COBLL1: variants seen among roughly 807,000 people sequenced by gnomAD.
The protein encoded by COBLL1 is cordon-bleu protein-like 1.
A neutral mutation model predicts 94.8 loss-of-function variants in COBLL1; 50 were observed. The ratio of observed to expected loss-of-function variants is 0.53; its 90% CI spans 0.42 to 0.67. The LOEUF (loss-of-function observed/expected upper bound fraction) is 0.67, where lower values mean the gene tolerates loss of function less well. Ranked by LOEUF, COBLL1 falls within the 30% of genes least tolerant of loss-of-function variation. The pLI, the probability that COBLL1 is intolerant of heterozygous loss-of-function variation, is 0.00. For missense variants in COBLL1, 1,362 were observed against 1,348.7 expected, an observed-to-expected ratio of 1.01 and a Z score of -0.15; for synonymous variants, 448 against 473.8, an observed-to-expected ratio of 0.95 and a Z score of 0.71.
At chr2:164,671,308 T>A (rs950394948) in intron 1 of COBLL1, among the ~76,000 whole-genome samples, 2 of 152,172 alleles carry the variant, frequency 1.3e-5, no homozygotes, top group African/African-American at 4.8e-5. Flanking sequence ...TTTTTGTTTT[T>A]TTGTCTTTTT....
chr2:164,753,585 G>A (rs1412693066), intron 2 of COBLL1, among the ~76,000 whole-genome samples: 4 of 151,510 alleles, frequency 2.6e-5, no homozygotes, highest in South Asian at 2.1e-4. Flanking sequence ...GTCCAATATG[G>A]CGGCCATGTA....
intron 3 of COBLL1, among the ~76,000 whole-genome samples, chr2:164,730,600 A>G (rs1685958334): frequency 1.3e-5 from 2 of 152,200 alleles, no homozygotes; most frequent in Admixed American, 1.3e-4. Flanking sequence ...TAATAGTTAA[A>G]AAGTCCTGGG....
rs1416277897 is a variant in COBLL1, at chr2:164,682,606, GGTC to G, written c.*3337_*3339del. Reference sequence around the variant, plus strand: ...CATGAAGAGGTGAAATCGGAAGAAGGGTCACTCCTCAAAGAATAGGGAGTATAT... The same window carrying G: ...CATGAAGAGGTGAAATCGGAAGAAGGACTCCTCAAAGAATAGGGAGTATAT... On this transcript the variant is annotated 3_prime_UTR_variant, in exon 14 of 14. Transcript: ENST00000652658. 6.6e-6 allele frequency: 1 copy of G among 152,088 alleles called. No individual in the cohort carries two copies. The highest frequency in any genetic ancestry group is 1.5e-5 in the Non-Finnish European group (1 of 68,032). The allele number at this position is 152,088 out of a possible 1,614,324, so 9.4% of individuals were successfully genotyped here. A position where few individuals can be genotyped will look rare whatever the true frequency, so the allele number is the denominator to read the frequency against.
At chr2:164,744,516 C>CA (rs1173972333) in intron 2 of COBLL1, among the ~76,000 whole-genome samples, 1 of 152,008 alleles carries the variant, frequency 6.6e-6, no homozygotes, top group Non-Finnish European at 1.5e-5. Flanking sequence ...TAACTCCCTG[C>CA]AAAAAAGAAG....
Position 164,743,766 on chromosome 2 carries a change from C to T in COBLL1, c.151G>A (p.Glu51Lys), listed in dbSNP as rs758512134. ...TCAACGTCTTTATCTATCATGTTTT[C>T]TTTCTGTTCCATGATGAAAGCAGTG... ...ESTAFIMEQK[E>K]NMIDKDVELS... Residue 51 changes from glutamate to lysine, a missense_variant, in exon 3 of 14, where the codon GAA becomes AAA. Transcript: ENST00000652658. The T allele has an allele frequency of 5.0e-6, 8 of 1,613,366 alleles. No individual in the cohort carries two copies. The East Asian group carries it at 1.8e-4, about 36-fold the overall frequency.
chr2:164,672,275 G>T (rs1307631940), intron 1 of COBLL1, among the ~76,000 whole-genome samples: 1 of 152,168 alleles, frequency 6.6e-6, no homozygotes, highest in African/African-American at 2.4e-5. Flanking sequence ...TCCCTTCAGT[G>T]CCTCCTGAAT....
rs570190137 is a variant in COBLL1 at position 164,731,596 on chromosome 2, A to G, written c.231-1481T>C. On this transcript the variant is annotated intron_variant, in intron 3 of 13. Transcript: ENST00000652658. ...AGTTCACACTTAAGAATAAGGCACT[A>G]AACCGCAGTGTGTACATCGTATTTT... Among the ~76,000 whole-genome samples the G allele has an allele frequency of 1.5e-3, 224 of 152,336 alleles. 2 individuals are homozygous for G. Among genetic ancestry groups the G allele is most frequent in the African/African-American group, 5.1e-3 (211 of 41,578 alleles).
chr2:164,772,771 A>G (rs1688268025), intron 2 of COBLL1, among the ~76,000 whole-genome samples: 1 of 152,110 alleles, frequency 6.6e-6, no homozygotes, highest in African/African-American at 2.4e-5. Flanking sequence ...CTAATATTAC[A>G]TAATACCAGA....
chr2:164,818,819 G>A (rs768958205), intron 2 of COBLL1, among the ~76,000 whole-genome samples: 15 of 147,472 alleles, frequency 1.0e-4, no homozygotes, highest in Non-Finnish European at 1.5e-4. Flanking sequence ...TCTGTCACTC[G>A]GTGCTGTGGT....
At chr2:164,822,264 T>A (rs1685205066) in intron 2 of COBLL1, among the ~76,000 whole-genome samples, 1 of 152,196 alleles carries the variant, frequency 6.6e-6, no homozygotes, top group Admixed American at 6.5e-5. Flanking sequence ...CTGTTCATAA[T>A]AAGTCACACG....
At chr2:164,756,018 G>A (rs1019676081) in intron 2 of COBLL1, among the ~76,000 whole-genome samples, 4 of 148,250 alleles carry the variant, frequency 2.7e-5, no homozygotes, top group Non-Finnish European at 6.0e-5. Context: ...ACAAATGTGT[G>A]AGTATACATA....
chr2:164,721,584 G>A (rs1574469912), intron 7 of COBLL1, among the ~76,000 whole-genome samples: 1 of 152,264 alleles, frequency 6.6e-6, no homozygotes, highest in East Asian at 1.9e-4. Flanking sequence ...TTTTTTCACT[G>A]TGGAGTATCT....
chr2:164,740,169 G>A (rs986362027), intron 3 of COBLL1, among the ~76,000 whole-genome samples: 1 of 152,014 alleles, frequency 6.6e-6, no homozygotes, highest in Non-Finnish European at 1.5e-5. Context: ...TGATATACAT[G>A]CTGGGCAACA....
intron 2 of COBLL1, among the ~76,000 whole-genome samples, chr2:164,821,232 G>T (rs1685154544): frequency 6.6e-6 from 1 of 152,046 alleles, no homozygotes; most frequent in Non-Finnish European, 1.5e-5. Context: ...AAATGAATGT[G>T]ACCTGACATG....
At chr2:164,725,047 G>A (rs1685644499) in intron 5 of COBLL1, 1 of 147,120 alleles carries the variant, frequency 6.8e-6, no homozygotes, top group Non-Finnish European at 1.5e-5. Flanking sequence ...AGTATCAAAA[G>A]TTATCACTCT....
At position 164,810,697 on chromosome 2, in the gene COBLL1, A is replaced by G. The variant is rs984058730; in HGVS notation, c.41+30459T>C. Reference sequence around the variant, plus strand: ...ATTTTATTCAAGTTCTCTAAAGGGAATTCAGATATCAGAGATATGGTTCAC... The same window carrying G: ...ATTTTATTCAAGTTCTCTAAAGGGAGTTCAGATATCAGAGATATGGTTCAC... On this transcript the variant is annotated intron_variant, in intron 2 of 13. Coordinates refer to ENST00000652658, the MANE Select transcript of COBLL1 (RefSeq NM_001365672.2). Among the ~76,000 whole-genome samples the G allele has an allele frequency of 7.2e-5, 11 of 151,950 alleles. No individual in the cohort carries two copies. The East Asian group carries it at 1.3e-3, about 19-fold the overall frequency.
At chr2:164,668,573 G>T (rs767388354) in intron 1 of COBLL1, among the ~76,000 whole-genome samples, 1 of 152,134 alleles carries the variant, frequency 6.6e-6, no homozygotes, top group Non-Finnish European at 1.5e-5. Context: ...TGGAAAAATC[G>T]CACTAATCAA....
chr2:164,832,452 CTATT>C (rs1466194887), intron 2 of COBLL1, among the ~76,000 whole-genome samples: 1 of 151,990 alleles, frequency 6.6e-6, no homozygotes, highest in Non-Finnish European at 1.5e-5. Flanking sequence ...GCATTCGATC[CTATT>C]TAAAGTCAAC....
At chr2:164,732,458 C>T (rs1462867391) in intron 3 of COBLL1, among the ~76,000 whole-genome samples, 1 of 152,072 alleles carries the variant, frequency 6.6e-6, no homozygotes, top group Non-Finnish European at 1.5e-5. Flanking sequence ...CATACCAATT[C>T]TAGACTTGGA....
Sources: gnomAD v4.1 joint callset for allele counts (sites outside exome capture counted in the v4.1 genomes callset) on GRCh38, gnomAD v4.1.1 for gene constraint, MANE v1.5 for transcripts, NCBI Gene and HGNC (gene_info 2026-07-23, HGNC 2026-07-21) for gene names.